The following DOCK2 variants were observed in gnomAD, a reference collection of about 807,000 sequenced individuals.
The protein encoded by DOCK2 is dedicator of cytokinesis protein 2.
DOCK2 carries 87 observed loss-of-function variants against 248.9 expected under a neutral mutation model. The observed-to-expected ratio is 0.35, with a 90% CI of 0.29 to 0.42. The LOEUF is 0.42. Among genes scored for constraint, DOCK2 ranks in the 10% least tolerant of loss-of-function variants. The pLI, the probability that DOCK2 is intolerant of heterozygous loss-of-function variation, is 1.00. For synonymous variants in DOCK2, 805 were observed against 821.6 expected (o/e 0.98, Z 0.35); for missense variants, 1,747 against 2,300.2 (o/e 0.76, Z 4.92).
chr5:169,995,756 ATTTG>A (rs1168045735), intron 29 of DOCK2, among the ~76,000 whole-genome samples: 1 of 151,954 alleles, frequency 6.6e-6, no homozygotes, highest in Non-Finnish European at 1.5e-5. Context: ...CAGGTTGTTT[ATTTG>A]TTTGTTTGGG....
At chr5:169,919,500 T>C (rs528244143) in intron 27 of DOCK2, among the ~76,000 whole-genome samples, 4 of 152,256 alleles carry the variant, frequency 2.6e-5, no homozygotes, top group Non-Finnish European at 5.9e-5. Context: ...ATTTATTCTC[T>C]GAAGTCTACC....
At chr5:169,805,024 A>G (rs1767269714) in intron 26 of DOCK2, among the ~76,000 whole-genome samples, 1 of 152,086 alleles carries the variant, frequency 6.6e-6, no homozygotes, top group African/African-American at 2.4e-5. Flanking sequence ...GGGAGATTTC[A>G]GTCTTACTCA....
At chr5:170,068,789 C>T (rs1456607143) in intron 45 of DOCK2, among the ~76,000 whole-genome samples, 3 of 152,198 alleles carry the variant, frequency 2.0e-5, no homozygotes, top group Non-Finnish European at 2.9e-5. Flanking sequence ...TCCTGACACA[C>T]GGGTCCTCAC....
intron 34 of DOCK2, among the ~76,000 whole-genome samples, chr5:170,029,851 C>A (rs949750904): frequency 6.6e-6 from 1 of 152,166 alleles, no homozygotes; most frequent in Non-Finnish European, 1.5e-5. Flanking sequence ...GCCTCTCGAC[C>A]CTGCCCAAGC....
At chr5:169,801,708 C>T (rs571447659) in intron 25 of DOCK2, among the ~76,000 whole-genome samples, 2 of 152,076 alleles carry the variant, frequency 1.3e-5, no homozygotes, top group Non-Finnish European at 2.9e-5. Flanking sequence ...GGGTGCTGTG[C>T]CAGAAGGAGT....
At chr5:169,793,196 C>A (rs1766458535) in intron 25 of DOCK2, among the ~76,000 whole-genome samples, 1 of 152,182 alleles carries the variant, frequency 6.6e-6, no homozygotes, top group Non-Finnish European at 1.5e-5. Context: ...CTCAAATGCT[C>A]CAAAATGCAT....
At chr5:169,885,435 G>A (rs1044464195) in intron 27 of DOCK2, among the ~76,000 whole-genome samples, 2 of 152,104 alleles carry the variant, frequency 1.3e-5, no homozygotes, top group Non-Finnish European at 2.9e-5. Context: ...AAGGTCCTAG[G>A]GTATCCTGCT....
At chr5:169,674,149 C>A in intron 5 of DOCK2, 148 bp from the exon 6 acceptor site, 1 of 825,778 alleles carries the variant, frequency 1.2e-6, no homozygotes, top group Non-Finnish European at 1.8e-6. Context: ...ACTAGGACCC[C>A]CACCTAATCC....
intron 15 of DOCK2, among the ~76,000 whole-genome samples, chr5:169,709,551 A>G (rs1166344484): frequency 6.6e-6 from 1 of 152,034 alleles, no homozygotes; most frequent in Non-Finnish European, 1.5e-5. Context: ...AAATAAATAC[A>G]TACATACATA....
chr5:169,660,973 CAAA>C (rs67420015), intron 2 of DOCK2, among the ~76,000 whole-genome samples: 1 of 147,474 alleles, frequency 6.8e-6, no homozygotes, highest in African/African-American at 2.5e-5. Context: ...GACTTTAGTG[CAAA>C]AAAAAAATGA....
intron 34 of DOCK2, among the ~76,000 whole-genome samples, chr5:170,034,129 A>G (rs796515508): frequency 3.7e-4 from 56 of 152,330 alleles, no homozygotes; most frequent in African/African-American, 1.2e-3. Context: ...TTCTTGATTT[A>G]TTCTCAGCAG....
intron 27 of DOCK2, among the ~76,000 whole-genome samples, chr5:169,898,416 C>T (rs868624417): frequency 6.6e-6 from 1 of 152,164 alleles, no homozygotes; most frequent in South Asian, 2.1e-4. Context: ...CCAGCTGTCT[C>T]ATTTACTAGC....
intron 27 of DOCK2, among the ~76,000 whole-genome samples, chr5:169,891,467 C>T (rs961096197): frequency 1.3e-5 from 2 of 152,152 alleles, no homozygotes; most frequent in African/African-American, 2.4e-5. Context: ...TCTTATTTAA[C>T]GATTTTCAAA....
At chr5:169,903,527 GC>G (rs1215493909) in intron 27 of DOCK2, among the ~76,000 whole-genome samples, 2 of 151,292 alleles carry the variant, frequency 1.3e-5, no homozygotes. Context: ...GCCAGCGGGG[GC>G]CGGGGGGCAG....
At chr5:169,912,538 C>T (rs1188460875) in intron 27 of DOCK2, among the ~76,000 whole-genome samples, 4 of 152,152 alleles carry the variant, frequency 2.6e-5, no homozygotes, top group Non-Finnish European at 5.9e-5. Flanking sequence ...TTAATAACTA[C>T]TCCAATCCAT....
Position 169,695,909 on chromosome 5 carries a change from A to C in DOCK2, c.950A>C (p.Gln317Pro), listed in dbSNP as rs1760591880. The C allele has an allele frequency of 6.2e-7, 1 of 1,611,882 alleles. No homozygotes were observed. The highest frequency in any genetic ancestry group is 8.5e-7 in the Non-Finnish European group (1 of 1,179,104). ...LKDTGAKKCT[Q>P]GLRRPFGVAV... ...GATACTGGTGCAAAGAAGTGCACGCAGGGACTGAGGAGGCCCTTTGGGGTG... is the reference window on the plus strand; with the variant it reads ...GATACTGGTGCAAAGAAGTGCACGCCGGGACTGAGGAGGCCCTTTGGGGTG... The change falls in exon 10 of 52, where the codon CAG becomes CCG. Residue 317 changes from glutamine (Q) to proline (P), a missense_variant. Gln to Pro is a moderately conservative substitution (Grantham distance 76). Coordinates refer to ENST00000520908, the MANE Select transcript of DOCK2 (RefSeq NM_004946.3).
intron 19 of DOCK2, among the ~76,000 whole-genome samples, chr5:169,714,929 A>G (rs1275820023): frequency 6.6e-6 from 1 of 152,202 alleles, no homozygotes; most frequent in Non-Finnish European, 1.5e-5. Flanking sequence ...GTATATGCAT[A>G]TATATGTATG....
In DOCK2 at chr5:170,038,362, A is replaced by G. The variant is rs188337235; in HGVS notation, c.3665+1807A>G. Among the ~76,000 whole-genome samples the G allele has an allele frequency of 4.6e-5, 7 of 152,364 alleles. No individual in the cohort carries two copies. The East Asian group carries it at 1.3e-3, about 29-fold the overall frequency. On this transcript the variant is annotated intron_variant, in intron 36 of 51. Transcript: ENST00000520908. ...TTGAGGCCCGTAGTAATCTAAGAAAACCATATTTATCTAAACCAGACTGCA... is the reference window on the plus strand; with the variant it reads ...TTGAGGCCCGTAGTAATCTAAGAAAGCCATATTTATCTAAACCAGACTGCA...
At chr5:169,770,435 C>A (rs1449081309) in intron 25 of DOCK2, among the ~76,000 whole-genome samples, 1 of 151,764 alleles carries the variant, frequency 6.6e-6, no homozygotes, top group Non-Finnish European at 1.5e-5. Context: ...GTTAGGACTA[C>A]AGGGACATAC....
Sources: gnomAD v4.1 joint callset for allele counts (sites outside exome capture counted in the v4.1 genomes callset) on GRCh38, gnomAD v4.1.1 for gene constraint, MANE v1.5 for transcripts, NCBI Gene and HGNC (gene_info 2026-07-23, HGNC 2026-07-21) for gene names.